ADAMTS14: variants seen among roughly 807,000 people sequenced by gnomAD.
ADAMTS14 encodes A disintegrin and metalloproteinase with thrombospondin motifs 14.
Under a neutral mutation model 128.6 loss-of-function variants are expected in ADAMTS14, and 100 were observed. The observed-to-expected ratio is 0.78, with a 90% CI of 0.66 to 0.92. ADAMTS14 has a LOEUF of 0.92. Among genes scored for constraint, ADAMTS14 ranks in the 40% least tolerant of loss-of-function variants. ADAMTS14 has a pLI of 0.00. For synonymous variants in ADAMTS14, 665 were observed against 653.8 expected, an observed-to-expected ratio of 1.02 and a Z score of -0.26; for missense variants, 1,562 against 1,658.6, an observed-to-expected ratio of 0.94 and a Z score of 1.01.
intron 2 of ADAMTS14, among the ~76,000 whole-genome samples, chr10:70,696,058 G>A (rs1840324116): frequency 2.0e-5 from 3 of 152,206 alleles, no homozygotes; most frequent in Admixed American, 2.0e-4. Flanking sequence ...CTGCTGTGGA[G>A]GGAAGCAGTG....
chr10:70,709,743 G>A (rs191871209), intron 4 of ADAMTS14, among the ~76,000 whole-genome samples: 28 of 152,048 alleles, frequency 1.8e-4, no homozygotes, highest in African/African-American at 6.5e-4. Flanking sequence ...CTCGTGATCC[G>A]CCCGCCTCAG....
chr10:70,743,983 G>C, intron 13 of ADAMTS14, 83 bp from the exon 14 acceptor site: 1 of 1,503,756 alleles, frequency 6.7e-7, no homozygotes, highest in Non-Finnish European at 9.0e-7. Flanking sequence ...CTCCTGACCA[G>C]GGCCTGGGGA....
chr10:70,673,757 C>T (rs1839555266), intron 1 of ADAMTS14, among the ~76,000 whole-genome samples: 1 of 150,894 alleles, frequency 6.6e-6, no homozygotes, highest in Non-Finnish European at 1.5e-5. Flanking sequence ...CATGAATCAC[C>T]AGGCCTGGAA....
At position 70,754,055 on chromosome 10, in the gene ADAMTS14, T is replaced by G. The variant is rs138291496; in HGVS notation, c.2937+48T>G. 121 of 1,461,316 alleles carry G rather than the reference T, an allele frequency of 8.3e-5. No homozygotes were observed. The African/African-American group carries it at 1.6e-3, about 20-fold the overall frequency. 90.5% of individuals were successfully genotyped at this position (1,461,316 alleles called of 1,614,324 possible). On this transcript the variant is annotated intron_variant, in intron 19 of 21. Coordinates refer to ENST00000373207, the MANE Select transcript of ADAMTS14 (RefSeq NM_080722.4). ...GAGGGGCTTGGGGAGGAGGTGGGTC[T>G]GAGGGATTTTTTTGGTGTTCCCTGC...
At chr10:70,747,730 G>T (rs976551447) in intron 15 of ADAMTS14, among the ~76,000 whole-genome samples, 27 of 152,222 alleles carry the variant, frequency 1.8e-4, no homozygotes, top group African/African-American at 6.5e-4. Flanking sequence ...TCCCTGAAAG[G>T]TTAGAGTTTT....
intron 15 of ADAMTS14, among the ~76,000 whole-genome samples, chr10:70,748,394 C>T (rs1288484234): frequency 6.6e-6 from 1 of 152,220 alleles, no homozygotes; most frequent in African/African-American, 2.4e-5. Context: ...TTAGCTTAGA[C>T]AGTCTGGAGC....
chr10:70,744,587 A>G (rs1842117912), intron 14 of ADAMTS14, among the ~76,000 whole-genome samples: 1 of 151,972 alleles, frequency 6.6e-6, no homozygotes, highest in Non-Finnish European at 1.5e-5. Context: ...AACCTGTGGC[A>G]CTTTCTGCTT....
In ADAMTS14 at chr10:70,760,375, G is replaced by GA; in HGVS notation, c.3195dup (p.Asp1066ArgfsTer104). On this transcript the variant is annotated frameshift_variant, in exon 22 of 22. Transcript: ENST00000373207. ...GTGTGTGCAGCGGAGCCCTGCACGG[G>GA]AGACAGGTCTGTCTTCTGCCAGATG... 6.3e-7 allele frequency: 1 copy of GA among 1,580,462 alleles called. No individual in the cohort carries two copies. Among genetic ancestry groups the GA allele is most frequent in the Non-Finnish European group, 8.6e-7 (1 of 1,162,346 alleles).
At position 70,743,427 on chromosome 10, in the gene ADAMTS14, A is replaced by C. The variant is rs886245195; in HGVS notation, c.1925-121A>C. The C allele has an allele frequency of 6.5e-6, 8 of 1,231,662 alleles. No homozygotes were observed. The African/African-American group carries it at 9.5e-5, about 15-fold the overall frequency. 76.3% of individuals were successfully genotyped at this position (1,231,662 alleles called of 1,614,324 possible). On this transcript the variant is annotated intron_variant, in intron 12 of 21. Coordinates refer to ENST00000373207, the MANE Select transcript of ADAMTS14 (RefSeq NM_080722.4). ...GATTTTCAGCCCCCGTGCCACACCC[A>C]GTGCTCCCCCAACTGTCCAGAGCTG... is the stretch of plus-strand genomic sequence containing the variant.
chr10:70,739,662 G>A (rs909069047), intron 11 of ADAMTS14, among the ~76,000 whole-genome samples: 1 of 152,126 alleles, frequency 6.6e-6, no homozygotes, highest in East Asian at 1.9e-4. Context: ...GAATGCAGGA[G>A]TTCTGAACCC....
rs746926034 is a variant in ADAMTS14 at position 70,757,997 on chromosome 10, G to A, written c.2973G>A (p.Arg991=). ...CCTGTGGAGAGGGCATCCAGCAGCG[G>A]CAGGTGGTGTGCAGGACCAACGCCA... ...SATCGEGIQQ[R]QVVCRTNANS... is the part of the protein sequence containing the mutation. Residue 991 remains arginine, a synonymous_variant, in exon 20 of 22, where the codon CGG becomes CGA. Transcript: ENST00000373207. 3.7e-6 allele frequency: 6 copies of A among 1,613,128 alleles called. No homozygotes were observed. The African/African-American group carries it at 6.7e-5, about 18-fold the overall frequency.
At chr10:70,755,313 C>CAAA (rs33982477) in intron 19 of ADAMTS14, among the ~76,000 whole-genome samples, 5 of 118,234 alleles carry the variant, frequency 4.2e-5, no homozygotes, top group South Asian at 2.6e-4. Flanking sequence ...GCTTGTCTCA[C>CAAA]AAAAAAAAAA....
intron 15 of ADAMTS14, among the ~76,000 whole-genome samples, chr10:70,749,117 G>A (rs962711253): frequency 2.0e-5 from 3 of 152,250 alleles, no homozygotes; most frequent in Non-Finnish European, 2.9e-5. Context: ...ACAGGCCGCT[G>A]GGAGAGGTGT....
intron 3 of ADAMTS14, among the ~76,000 whole-genome samples, chr10:70,705,723 T>C (rs1420034338): frequency 1.5e-4 from 23 of 152,252 alleles, no homozygotes. Context: ...CTGGCTTCTT[T>C]CACTCAGCAT....
At chr10:70,726,216 A>T (rs563229088) in intron 4 of ADAMTS14, among the ~76,000 whole-genome samples, 1 of 152,246 alleles carries the variant, frequency 6.6e-6, no homozygotes, top group East Asian at 1.9e-4. Flanking sequence ...CCCCCTGCCC[A>T]GTCCCACTGT....
intron 6 of ADAMTS14, 99 bp downstream of exon 6, chr10:70,730,348 C>T: frequency 6.9e-7 from 1 of 1,444,948 alleles, no homozygotes; most frequent in South Asian, 1.4e-5. Context: ...CTGGGGCCCA[C>T]CACATGGAGG....
At chr10:70,709,346 G>T (rs1036501997) in intron 4 of ADAMTS14, among the ~76,000 whole-genome samples, 2 of 152,162 alleles carry the variant, frequency 1.3e-5, no homozygotes, top group Admixed American at 6.5e-5. Flanking sequence ...GCCCTTAGCT[G>T]CTGCCTGTGG....
At chr10:70,701,326 C>G (rs1840485885) in intron 2 of ADAMTS14, among the ~76,000 whole-genome samples, 1 of 152,274 alleles carries the variant, frequency 6.6e-6, no homozygotes, top group African/African-American at 2.4e-5. Flanking sequence ...TTCGTGTTCA[C>G]AGCTGCGCTC....
chr10:70,691,487 T>TA (rs11373533), intron 2 of ADAMTS14, among the ~76,000 whole-genome samples: 14,538 of 86,316 alleles, frequency 0.17, 1,849 homozygotes, highest in African/African-American at 0.29. Context: ...GAGACCCTGT[T>TA]AAAAAAAAAA....
Sources: allele counts gnomAD v4.1 joint callset (sites outside exome capture counted in the v4.1 genomes callset), GRCh38; gene constraint gnomAD v4.1.1; transcripts MANE v1.5; gene names NCBI Gene and HGNC (gene_info 2026-07-23, HGNC 2026-07-21).